The following SLCO5A1 variants were observed in gnomAD, a reference collection of about 807,000 sequenced individuals.
SLCO5A1 encodes the protein organic anion transporter polypeptide-related protein 4.
SLCO5A1 carries 39 observed loss-of-function variants against 65.1 expected under a neutral mutation model. The observed-to-expected ratio is 0.60, with a 90% CI of 0.46 to 0.78. The LOEUF (loss-of-function observed/expected upper bound fraction) is 0.78, where lower values mean the gene tolerates loss of function less well. Ranked by LOEUF, SLCO5A1 falls within the 30% of genes least tolerant of loss-of-function variation. The probability of loss-of-function intolerance (pLI) is 0.00; values close to 1 mark genes in which losing one functional copy is unlikely to be tolerated. For missense variants in SLCO5A1, 1,029 were observed against 1,069.4 expected, an observed-to-expected ratio of 0.96 and a Z score of 0.53; for synonymous variants, 438 against 415.7, an observed-to-expected ratio of 1.05 and a Z score of -0.65.
At chr8:69,690,372 C>T (rs527287706) in intron 6 of SLCO5A1, among the ~76,000 whole-genome samples, 3 of 151,480 alleles carry the variant, frequency 2.0e-5, no homozygotes, top group Admixed American at 6.6e-5. Flanking sequence ...CAACACCCGC[C>T]GCGGGCCTTT....
Position 69,673,127 on chromosome 8 carries a change from C to G in SLCO5A1, c.2289G>C (p.Lys763Asn), listed in dbSNP as rs1390374229. The G allele has an allele frequency of 6.2e-7, 1 of 1,614,226 alleles. No individual in the cohort carries two copies. The highest frequency in any genetic ancestry group is 1.7e-5 in the Admixed American group (1 of 60,026). Residue 763 changes from lysine to asparagine, a missense_variant, in exon 10 of 10, where the codon AAG (lysine) becomes AAC (asparagine). This residue lies in a region of SLCO5A1 where 258 missense variants were observed against 237.4 expected (regional missense o/e 1.09). Coordinates refer to ENST00000260126, the MANE Select transcript of SLCO5A1 (RefSeq NM_030958.3). ...IFLAWYSIKY[K>N]EDGLQRRRQR... ...GCCTCCGCCTCTGCAGTCCATCCTC[C>G]TTGTATTTTATGGAGTACCAGGCCA...
At chr8:69,733,263 G>T (rs116314082) in intron 5 of SLCO5A1, among the ~76,000 whole-genome samples, 2 of 152,080 alleles carry the variant, frequency 1.3e-5, no homozygotes, top group African/African-American at 4.8e-5. Flanking sequence ...TGATATGATC[G>T]GGTTGTATTT....
intron 8 of SLCO5A1, 38 bp from the exon 9 acceptor site, chr8:69,676,711 G>T: frequency 6.4e-7 from 1 of 1,570,340 alleles, no homozygotes; most frequent in Non-Finnish European, 8.7e-7. Flanking sequence ...ATTTTAAATA[G>T]TAGCCCCAAG....
rs778469905 is a variant in SLCO5A1, at chr8:69,670,296, C to T, written c.*2573G>A. 3.3e-5 allele frequency: 5 copies of T among 152,100 alleles called. No homozygotes were observed. The highest frequency in any genetic ancestry group is 5.9e-5 in the Non-Finnish European group (4 of 68,024). 9.4% of individuals were successfully genotyped at this position (152,100 alleles called of 1,614,324 possible). ...GTAATGGGATCAATTTATTAAGAAA[C>T]ATATAAGACCCTATATATACAATTA... On this transcript the variant is annotated 3_prime_UTR_variant, in exon 10 of 10. Transcript: ENST00000260126.
At chr8:69,803,760 G>A (rs938755272) in intron 2 of SLCO5A1, among the ~76,000 whole-genome samples, 6 of 152,124 alleles carry the variant, frequency 3.9e-5, no homozygotes, top group Non-Finnish European at 5.9e-5. Flanking sequence ...AGGCCATGGT[G>A]GAAAAACTGC....
chr8:69,682,388 A>G (rs769004221), intron 6 of SLCO5A1, 45 bp from the exon 7 acceptor site: 2 of 1,455,180 alleles, frequency 1.4e-6, no homozygotes, highest in Non-Finnish European at 1.8e-6. Flanking sequence ...TTACCAAAAT[A>G]AAACTCATAG....
chr8:69,826,837 C>T (rs2130925995), intron 2 of SLCO5A1, among the ~76,000 whole-genome samples: 1 of 152,192 alleles, frequency 6.6e-6, no homozygotes, highest in East Asian at 1.9e-4. Flanking sequence ...GCTATAAAGA[C>T]ACATGCACAT....
chr8:69,828,647 T>G (rs1474666867), intron 2 of SLCO5A1, among the ~76,000 whole-genome samples: 1 of 151,718 alleles, frequency 6.6e-6, no homozygotes. Flanking sequence ...AGAAAATGAA[T>G]ACCATTTCTA....
intron 2 of SLCO5A1, among the ~76,000 whole-genome samples, chr8:69,808,390 C>T (rs1425094448): frequency 1.3e-5 from 2 of 152,126 alleles, no homozygotes; most frequent in Non-Finnish European, 2.9e-5. Flanking sequence ...CATTGTTTAG[C>T]TCCCACTTAT....
chr8:69,738,163 A>G lies in SLCO5A1; in HGVS notation c.1300T>C (p.Phe434Leu). 6.2e-7 allele frequency: 1 copy of G among 1,613,576 alleles called. No homozygotes were observed. The highest frequency in any genetic ancestry group is 8.5e-7 in the Non-Finnish European group (1 of 1,179,688). Residue 434 changes from phenylalanine to leucine, a missense_variant, in exon 5 of 10, where the codon TTC (phenylalanine) becomes CTC (leucine). Phe to Leu is a conservative substitution (Grantham distance 22). Transcript: ENST00000260126. ...AAVRILSNMT[F>L]LFVSLSYTAE... ...GTGTATGACAAACTCACAAAAAGGA[A>G]TGTCATGTTGCTTAAGATCCTGACA...
At chr8:69,717,448 C>T (rs1815604674) in intron 5 of SLCO5A1, among the ~76,000 whole-genome samples, 1 of 152,134 alleles carries the variant, frequency 6.6e-6, no homozygotes, top group East Asian at 1.9e-4. Flanking sequence ...CCCTATTTTA[C>T]TGATGTTTTT....
intron 5 of SLCO5A1, among the ~76,000 whole-genome samples, chr8:69,712,572 G>C (rs1415817256): frequency 6.6e-6 from 1 of 152,130 alleles, no homozygotes; most frequent in Non-Finnish European, 1.5e-5. Context: ...ATGTATTATA[G>C]GTTCAGGGAG....
intron 3 of SLCO5A1, among the ~76,000 whole-genome samples, chr8:69,760,597 A>G (rs929259811): frequency 3.9e-5 from 6 of 152,212 alleles, no homozygotes; most frequent in Non-Finnish European, 1.5e-5. Flanking sequence ...CTTGGCACAT[A>G]TCTTTTCTAA....
rs941801307 is a variant in SLCO5A1, at chr8:69,758,179, T to A, written c.1041-2538A>T. Among the ~76,000 whole-genome samples the A allele has an allele frequency of 6.6e-5, 10 of 152,100 alleles. No homozygotes were observed. In the East Asian group the frequency reaches 1.5e-3, roughly 23 times the overall value. ...GTCTGGTTTGCTTTTTAATTAATTA[T>A]TTATTTATCTTGATTTTTTTCTTTA... is the stretch of plus-strand genomic sequence containing the variant. On this transcript the variant is annotated intron_variant, in intron 3 of 9. Coordinates refer to ENST00000260126, the MANE Select transcript of SLCO5A1 (RefSeq NM_030958.3).
chr8:69,682,301 G>A lies in SLCO5A1; in HGVS notation c.1665C>T (p.Cys555=). The A allele has an allele frequency of 6.2e-7, 1 of 1,610,752 alleles. No individual in the cohort carries two copies. Among genetic ancestry groups the A allele is most frequent in the Non-Finnish European group, 8.5e-7 (1 of 1,178,660 alleles). The stretch of plus-strand genomic sequence containing the variant: ...GTATTTTACAACCACAATTAACGTT[G>A]CAGCTTCCTGTCAGATTCCTATGGG... The part of the protein sequence containing the change: ...TMPHRNLTGS[C]NVNCGCKIHE... Residue 555 remains cysteine, a synonymous_variant, in exon 7 of 10, where the codon TGC becomes TGT. Coordinates refer to ENST00000260126, the MANE Select transcript of SLCO5A1 (RefSeq NM_030958.3).
At chr8:69,799,685 G>A (rs1037856844) in intron 2 of SLCO5A1, among the ~76,000 whole-genome samples, 15 of 152,142 alleles carry the variant, frequency 9.9e-5, no homozygotes, top group Admixed American at 3.3e-4. Context: ...AAGCAAAAAC[G>A]TCCTTCTTCA....
At chr8:69,828,735 C>T (rs1464481575) in intron 2 of SLCO5A1, among the ~76,000 whole-genome samples, 1 of 152,226 alleles carries the variant, frequency 6.6e-6, no homozygotes, top group Non-Finnish European at 1.5e-5. Context: ...AAAAACACCT[C>T]AAATGCTGGG....
At chr8:69,693,027 C>G (rs961282816) in intron 6 of SLCO5A1, among the ~76,000 whole-genome samples, 3 of 152,162 alleles carry the variant, frequency 2.0e-5, no homozygotes, top group South Asian at 2.1e-4. Flanking sequence ...TTCTTTACAC[C>G]AGCATCACTC....
At chr8:69,679,878 G>A (rs996533397) in intron 7 of SLCO5A1, among the ~76,000 whole-genome samples, 8 of 152,120 alleles carry the variant, frequency 5.3e-5, no homozygotes, top group African/African-American at 9.7e-5. Flanking sequence ...TACCATTCAC[G>A]TTCTGCAGGC....
Sources: allele counts gnomAD v4.1 joint callset (sites outside exome capture counted in the v4.1 genomes callset), GRCh38; gene constraint gnomAD v4.1.1; regional missense constraint gnomAD v4.1.1; transcripts MANE v1.5; gene names NCBI Gene and HGNC (gene_info 2026-07-23, HGNC 2026-07-21).